Variants in AKAP6 observed in about 807,000 individuals in gnomAD.
AKAP6 encodes the protein A-kinase anchor protein 6.
Under a neutral mutation model 188.5 loss-of-function variants are expected in AKAP6, and 58 were observed. The observed-to-expected ratio is 0.31, with a 90% CI of 0.25 to 0.38. The LOEUF (loss-of-function observed/expected upper bound fraction) is 0.38. Ranked by LOEUF, AKAP6 falls within the 10% of genes least tolerant of loss-of-function variation. The pLI is 1.00. For synonymous variants in AKAP6, 989 were observed against 998.6 expected, an observed-to-expected ratio of 0.99 and a Z score of 0.18; for missense variants, 2,710 against 2,740.0, an observed-to-expected ratio of 0.99 and a Z score of 0.24.
At chr14:32,555,116 A>G (rs1472088136) in intron 4 of AKAP6, among the ~76,000 whole-genome samples, 2 of 152,228 alleles carry the variant, frequency 1.3e-5, no homozygotes, top group Non-Finnish European at 1.5e-5. Context: ...ATGTCCTTGC[A>G]CATAAGTTAT....
At chr14:32,665,017 G>T (rs891385745) in intron 7 of AKAP6, among the ~76,000 whole-genome samples, 9 of 152,100 alleles carry the variant, frequency 5.9e-5, no homozygotes, top group African/African-American at 2.2e-4. Flanking sequence ...GAGATGTTCT[G>T]TGTTAAGATA....
rs71115083 is a variant in AKAP6 at position 32,548,529 on chromosome 14, AATAGATAGATAGATAGATAGATAGATAG to A, written c.2346+1562_2346+1589del. On this transcript the variant is annotated intron_variant, in intron 4 of 13. Transcript: ENST00000280979. Reference sequence around the variant, plus strand: ...GCTTAAGTGATTTTTCTCAAGCTAAAATAGATAGATAGATAGATAGATAGATAGATAGATAGATAGATAGATAGATAGA... The same window carrying A: ...GCTTAAGTGATTTTTCTCAAGCTAAAATAGATAGATAGATAGATAGATAGA... 4.2e-5 allele frequency among the ~76,000 whole-genome samples: 6 copies of A among 142,590 alleles called. No homozygotes were observed. In the East Asian group the frequency reaches 1.1e-3, roughly 25 times the overall value. The allele number at this position is 142,590 out of a possible 152,430, so 93.5% of individuals were successfully genotyped here. A position where few individuals can be genotyped will look rare whatever the true frequency, so the allele number is the denominator to read the frequency against.
intron 9 of AKAP6, among the ~76,000 whole-genome samples, chr14:32,720,320 C>T (rs7149061): frequency 0.99 from 151,161 of 152,358 alleles, 74,997 homozygotes; most frequent in Middle Eastern, 1. Context: ...TATTTTAGCA[C>T]CTAGACTAAA....
intron 4 of AKAP6, among the ~76,000 whole-genome samples, chr14:32,558,289 T>G (rs1421420208): frequency 6.6e-6 from 1 of 151,458 alleles, no homozygotes; most frequent in African/African-American, 2.5e-5. Flanking sequence ...CAATCTAAAA[T>G]TTTGTTTTAG....
rs982139372 is a variant in AKAP6 at position 32,387,405 on chromosome 14, T to C, written c.-34-46055T>C. Among the ~76,000 whole-genome samples, 5 of 150,466 alleles carry C rather than the reference T, an allele frequency of 3.3e-5. No individual in the cohort carries two copies. In the East Asian group the frequency reaches 9.7e-4, roughly 29 times the overall value. On this transcript the variant is annotated intron_variant, in intron 1 of 13. Coordinates refer to ENST00000280979, the MANE Select transcript of AKAP6 (RefSeq NM_004274.5). ...GGGAATGCTTTCAACTTTTCCCCAT[T>C]CAGTATTATGTTTGCTGTGGGTTTG...
At chr14:32,646,979 A>G (rs1165346965) in intron 7 of AKAP6, among the ~76,000 whole-genome samples, 2 of 152,142 alleles carry the variant, frequency 1.3e-5, no homozygotes, top group Admixed American at 6.6e-5. Context: ...GTTCATAGGA[A>G]AGGCACTACA....
intron 9 of AKAP6, among the ~76,000 whole-genome samples, chr14:32,731,607 C>G (rs183327869): frequency 6.6e-6 from 1 of 152,090 alleles, no homozygotes; most frequent in East Asian, 1.9e-4. Context: ...AATATTTTAA[C>G]CAGAATCTAG....
chr14:32,743,980 C>T (rs1239253031), intron 11 of AKAP6, among the ~76,000 whole-genome samples: 2 of 152,174 alleles, frequency 1.3e-5, no homozygotes, highest in Non-Finnish European at 1.5e-5. Flanking sequence ...TTGATGAAAT[C>T]CCTCAGCTTT....
At chr14:32,711,865 C>T (rs377112407) in intron 9 of AKAP6, among the ~76,000 whole-genome samples, 2 of 152,078 alleles carry the variant, frequency 1.3e-5, no homozygotes, top group African/African-American at 4.8e-5. Flanking sequence ...CTTATCCTCT[C>T]AGGCCTCATT....
At chr14:32,378,647 A>G (rs1417267268) in intron 1 of AKAP6, among the ~76,000 whole-genome samples, 1 of 152,234 alleles carries the variant, frequency 6.6e-6, no homozygotes, top group African/African-American at 2.4e-5. Flanking sequence ...CACCAAAGTG[A>G]CTTTCAAACT....
rs5807669 is a variant in AKAP6, at chr14:32,629,412, CAA to C, written c.2730+28637_2730+28638del. Among the ~76,000 whole-genome samples, 19 of 90,230 alleles carry C rather than the reference CAA, an allele frequency of 2.1e-4. No individual in the cohort carries two copies. In the East Asian group the frequency reaches 3.3e-3, roughly 16 times the overall value. 59.2% of individuals were successfully genotyped at this position (90,230 alleles called of 152,430 possible). On this transcript the variant is annotated intron_variant, in intron 7 of 13. Transcript: ENST00000280979. Reference sequence around the variant, plus strand: ...GTGTTTTGCTGAAGTGCGAGTTTCTCAAAAAAAAAAAAAAAAAAGGAAAGAAA... The same window carrying C: ...GTGTTTTGCTGAAGTGCGAGTTTCTCAAAAAAAAAAAAAAAAGGAAAGAAA...
At chr14:32,618,863 T>A (rs993149156) in intron 7 of AKAP6, among the ~76,000 whole-genome samples, 3 of 152,162 alleles carry the variant, frequency 2.0e-5, no homozygotes, top group African/African-American at 7.2e-5. Flanking sequence ...CATTTATTGT[T>A]TTTTGACCTT....
At chr14:32,429,036 A>G (rs1890130835) in intron 1 of AKAP6, among the ~76,000 whole-genome samples, 1 of 152,218 alleles carries the variant, frequency 6.6e-6, no homozygotes, top group Non-Finnish European at 1.5e-5. Flanking sequence ...AGGTGGCCGC[A>G]GACAAGCATT....
intron 8 of AKAP6, among the ~76,000 whole-genome samples, chr14:32,685,585 A>G (rs373318290): frequency 3.3e-5 from 5 of 152,022 alleles, no homozygotes; most frequent in Non-Finnish European, 4.4e-5. Flanking sequence ...TTAGCCAGGC[A>G]TGGTGGTGGG....
intron 12 of AKAP6, among the ~76,000 whole-genome samples, chr14:32,807,293 T>C (rs1251586448): frequency 3.4e-5 from 5 of 147,868 alleles, no homozygotes; most frequent in African/African-American, 5.0e-5. Context: ...ACCACTGCAC[T>C]CCATCCTGGA....
rs34893013 is a variant in AKAP6 at position 32,713,461 on chromosome 14, A to AT, written c.3000+17362dup. 1.2e-3 allele frequency among the ~76,000 whole-genome samples: 175 copies of AT among 151,094 alleles called. 2 individuals carry two copies. The highest frequency in any genetic ancestry group is 7.9e-3 in the South Asian group (38 of 4,780). On this transcript the variant is annotated intron_variant, in intron 9 of 13. Coordinates refer to ENST00000280979, the MANE Select transcript of AKAP6 (RefSeq NM_004274.5). Reference sequence around the variant, plus strand: ...TCTAGCCATGAAAGTCCTAGATGGCATTTTTTTTTTTCCAATAGAGGGCTG... The same window carrying AT: ...TCTAGCCATGAAAGTCCTAGATGGCATTTTTTTTTTTTCCAATAGAGGGCTG...
At chr14:32,456,133 T>G (rs1288332138) in intron 2 of AKAP6, among the ~76,000 whole-genome samples, 1 of 152,154 alleles carries the variant, frequency 6.6e-6, no homozygotes, top group Admixed American at 6.5e-5. Context: ...TACATGAGTA[T>G]AGTTGATTAT....
intron 1 of AKAP6, among the ~76,000 whole-genome samples, chr14:32,416,927 G>A (rs549994559): frequency 1.3e-5 from 2 of 152,210 alleles, no homozygotes; most frequent in Non-Finnish European, 1.5e-5. Flanking sequence ...TGCAACTTCC[G>A]CCTCCTGGGT....
chr14:32,794,558 TCAAACAAA>T (rs575664862), intron 12 of AKAP6, among the ~76,000 whole-genome samples: 2 of 152,048 alleles, frequency 1.3e-5, no homozygotes, highest in African/African-American at 4.8e-5. Flanking sequence ...AGACTGCATC[TCAAACAAA>T]CAAACAAACA....
Sources: gnomAD v4.1 joint callset for allele counts (sites outside exome capture counted in the v4.1 genomes callset) on GRCh38, gnomAD v4.1.1 for gene constraint, MANE v1.5 for transcripts, NCBI Gene and HGNC (gene_info 2026-07-23, HGNC 2026-07-21) for gene names.